Variants in RIMS2 observed in about 807,000 individuals in gnomAD.
RIMS2 encodes regulating synaptic membrane exocytosis 2.
In RIMS2, 59 loss-of-function variants were observed where a neutral mutation model predicts 174.4. That is an observed-to-expected ratio of 0.34 (90% CI 0.27 to 0.42). The LOEUF is 0.42. Ranked by LOEUF, RIMS2 falls within the 10% of genes least tolerant of loss-of-function variation. The probability of loss-of-function intolerance (pLI) is 1.00; values close to 1 mark genes in which losing one functional copy is unlikely to be tolerated. For synonymous variants in RIMS2, 606 were observed against 572.5 expected (o/e 1.06, Z -0.84); for missense variants, 1,620 against 1,666.3 (o/e 0.97, Z 0.48).
At chr8:104,058,992 T>C (rs999957778) in intron 19 of RIMS2, among the ~76,000 whole-genome samples, 3 of 152,026 alleles carry the variant, frequency 2.0e-5, no homozygotes, top group Admixed American at 2.0e-4. Context: ...TAGTTTGAAG[T>C]CAGGTAACGT....
At chr8:103,840,211 A>G (rs1035193445) in intron 3 of RIMS2, among the ~76,000 whole-genome samples, 1 of 152,176 alleles carries the variant, frequency 6.6e-6, no homozygotes, top group Non-Finnish European at 1.5e-5. Flanking sequence ...ATTCATGAAC[A>G]TACCCTATCA....
chr8:103,858,277 T>C (rs1470829766), intron 3 of RIMS2, among the ~76,000 whole-genome samples: 2 of 152,166 alleles, frequency 1.3e-5, no homozygotes, highest in Admixed American at 1.3e-4. Context: ...AATACTGTTT[T>C]AACATTTAAA....
chr8:104,241,429 A>G (rs1369972238), intron 19 of RIMS2, among the ~76,000 whole-genome samples: 1 of 152,196 alleles, frequency 6.6e-6, no homozygotes, highest in Non-Finnish European at 1.5e-5. Context: ...TTATTCTTTG[A>G]CAAACGGTGC....
chr8:103,812,343 T>TTTTTTTTTTTTTTTTTTG (rs2098693600), intron 3 of RIMS2, among the ~76,000 whole-genome samples: 1 of 140,166 alleles, frequency 7.1e-6, no homozygotes, highest in Non-Finnish European at 1.5e-5. Context: ...TTTTTTTTTT[T>TTTTTTTTTTTTTTTTTTG]TTTTTTTTTT....
chr8:104,021,089 G>C (rs930448485), intron 19 of RIMS2, among the ~76,000 whole-genome samples: 1 of 151,996 alleles, frequency 6.6e-6, no homozygotes, highest in Non-Finnish European at 1.5e-5. Flanking sequence ...ACCAAATTAA[G>C]AAATAAGTAG....
At chr8:103,857,224 A>T (rs933247544) in intron 3 of RIMS2, among the ~76,000 whole-genome samples, 2 of 152,182 alleles carry the variant, frequency 1.3e-5, no homozygotes, top group African/African-American at 2.4e-5. Context: ...ATTTACAAAT[A>T]TATTTTGCAT....
chr8:104,003,913 A>G (rs1249544772), intron 17 of RIMS2, among the ~76,000 whole-genome samples: 1 of 152,204 alleles, frequency 6.6e-6, no homozygotes, highest in Non-Finnish European at 1.5e-5. Flanking sequence ...GGAAGAACAG[A>G]GAGAAAATAG....
At chr8:104,147,823 A>G (rs1012123928) in intron 19 of RIMS2, among the ~76,000 whole-genome samples, 4 of 152,158 alleles carry the variant, frequency 2.6e-5, no homozygotes, top group Admixed American at 1.3e-4. Context: ...GAAAAATCCA[A>G]AGTCATTTCT....
chr8:104,128,108 T>C (rs2098446357), intron 19 of RIMS2, among the ~76,000 whole-genome samples: 1 of 152,212 alleles, frequency 6.6e-6, no homozygotes, highest in Non-Finnish European at 1.5e-5. Flanking sequence ...TTTGAAATGA[T>C]AGCTAATTAA....
chr8:104,129,905 A>G (rs1339748913), intron 19 of RIMS2, among the ~76,000 whole-genome samples: 1 of 152,230 alleles, frequency 6.6e-6, no homozygotes, highest in African/African-American at 2.4e-5. Context: ...GTTGACATCT[A>G]TATATTTCTA....
intron 4 of RIMS2, among the ~76,000 whole-genome samples, chr8:103,907,938 C>A (rs1314687856): frequency 6.6e-6 from 1 of 150,514 alleles, no homozygotes; most frequent in Non-Finnish European, 1.5e-5. Flanking sequence ...TTAGTAGAGA[C>A]GGGGTTTCAC....
chr8:104,134,800 C>T (rs975513449), intron 19 of RIMS2, among the ~76,000 whole-genome samples: 3 of 152,174 alleles, frequency 2.0e-5, no homozygotes, highest in African/African-American at 7.2e-5. Flanking sequence ...GGGGCATTGT[C>T]CCCATAAACT....
chr8:104,114,497 A>T (rs571652550), intron 19 of RIMS2, among the ~76,000 whole-genome samples: 2 of 152,120 alleles, frequency 1.3e-5, no homozygotes, highest in South Asian at 2.1e-4. Flanking sequence ...AAAGATGTTG[A>T]AAGGATTAGG....
chr8:103,802,484 C>T (rs917342558), intron 3 of RIMS2, among the ~76,000 whole-genome samples: 4 of 152,004 alleles, frequency 2.6e-5, no homozygotes, highest in Non-Finnish European at 5.9e-5. Context: ...GAAGTAATTC[C>T]GGTATTGGTC....
intron 1 of RIMS2, among the ~76,000 whole-genome samples, chr8:103,537,363 A>T (rs1840293748): frequency 6.6e-6 from 1 of 152,252 alleles, no homozygotes; most frequent in Non-Finnish European, 1.5e-5. Context: ...GATTTTTGGA[A>T]TTGAAAACTT....
chr8:103,759,673 A>G (rs940953920), intron 2 of RIMS2, among the ~76,000 whole-genome samples: 5 of 152,126 alleles, frequency 3.3e-5, no homozygotes, highest in South Asian at 2.1e-4. Flanking sequence ...GCATAACTAC[A>G]TGTCCCAGAC....
chr8:103,578,651 G>A (rs547501642), intron 1 of RIMS2, among the ~76,000 whole-genome samples: 13 of 152,212 alleles, frequency 8.5e-5, no homozygotes, highest in African/African-American at 3.1e-4. Context: ...ATTCCAGGAG[G>A]GGAGTGGGGC....
chr8:104,144,127 A>C (rs952313262), intron 19 of RIMS2, among the ~76,000 whole-genome samples: 1 of 152,144 alleles, frequency 6.6e-6, no homozygotes, highest in African/African-American at 2.4e-5. Context: ...TCTCCTAATG[A>C]TTGACAATAC....
intron 19 of RIMS2, among the ~76,000 whole-genome samples, chr8:104,161,376 CAG>C (rs1319096409): frequency 2.2e-4 from 34 of 152,118 alleles, no homozygotes; most frequent in Non-Finnish European, 7.4e-5. Context: ...TATGAGCAGA[CAG>C]AGAGTATTTG....
Sources: gnomAD v4.1 joint callset for allele counts (sites outside exome capture counted in the v4.1 genomes callset) on GRCh38, gnomAD v4.1.1 for gene constraint, MANE v1.5 for transcripts, NCBI Gene and HGNC (gene_info 2026-07-23, HGNC 2026-07-21) for gene names.